TMEM255B: variants seen among roughly 807,000 people sequenced by gnomAD.
TMEM255B encodes the protein transmembrane protein 255B.
Under a neutral mutation model 34.5 loss-of-function variants are expected in TMEM255B, and 35 were observed. The ratio of observed to expected loss-of-function variants is 1.01; its 90% confidence interval spans 0.77 to 1.34. The LOEUF (loss-of-function observed/expected upper bound fraction) is 1.34, where lower values mean the gene tolerates loss of function less well. Among genes scored for constraint, TMEM255B ranks in the 40% most tolerant of loss-of-function variants. The pLI is 0.00. For synonymous variants in TMEM255B, 206 were observed against 201.2 expected (o/e 1.02, Z -0.20); for missense variants, 432 against 433.2 (o/e 1.00, Z 0.02).
rs1566342203 is a variant in TMEM255B, at chr13:113,812,968, G to GGGTGCGTCACAGGTCCCA, written c.*1069_*1070insCGTCACAGGTCCCAGGTG. On this transcript the variant is annotated 3_prime_UTR_variant, in exon 9 of 9. Coordinates refer to ENST00000375353, the MANE Select transcript of TMEM255B (RefSeq NM_182614.4). Reference sequence around the variant, plus strand: ...GGGTCCCGGGTGGGTCACGGGCCCCGGGTGGGTCACGGGTCCCGGGTGGGT... The same window carrying GGGTGCGTCACAGGTCCCA: ...GGGTCCCGGGTGGGTCACGGGCCCCGGGTGCGTCACAGGTCCCAGGTGGGTCACGGGTCCCGGGTGGGT... The GGGTGCGTCACAGGTCCCA allele has an allele frequency of 3.6e-5, 4 of 112,190 alleles. No homozygotes were observed. Among genetic ancestry groups the GGGTGCGTCACAGGTCCCA allele is most frequent in the South Asian group, 2.7e-4 (1 of 3,762 alleles). 6.9% of individuals were successfully genotyped at this position (112,190 alleles called of 1,614,324 possible).
rs1278261242 is a variant in TMEM255B, at chr13:113,806,410, G to A, written c.813+1382G>A. The stretch of plus-strand genomic sequence containing the variant: ...CTGTTGGGCTCAGTGGAGATGACCA[G>A]GGCCTGACAACATCTCCTCGTGGAG... On this transcript the variant is annotated intron_variant, in intron 8 of 8. Transcript: ENST00000375353. The surrounding 1 kb of genome is among the most constrained non-coding windows in gnomAD (Gnocchi z 4.2). 1.3e-5 allele frequency among the ~76,000 whole-genome samples: 2 copies of A among 152,132 alleles called. No individual in the cohort carries two copies. Among genetic ancestry groups the A allele is most frequent in the East Asian group, 3.9e-4 (2 of 5,190 alleles).
intron 4 of TMEM255B, among the ~76,000 whole-genome samples, chr13:113,797,059 C>T (rs1031678172): frequency 6.6e-6 from 1 of 152,234 alleles, no homozygotes; most frequent in African/African-American, 2.4e-5. Context: ...CCACTGTGCT[C>T]CAGGCGCCCG....
At chr13:113,771,733 C>A (rs2138528621) in intron 3 of TMEM255B, among the ~76,000 whole-genome samples, 1 of 152,194 alleles carries the variant, frequency 6.6e-6, no homozygotes, top group South Asian at 2.1e-4. Context: ...ATGGATGGGC[C>A]ACACTTATCC....
chr13:113,766,460 A>G (rs1189704106), intron 2 of TMEM255B: 6 of 773,354 alleles, frequency 7.8e-6, no homozygotes, highest in Non-Finnish European at 1.3e-5. Flanking sequence ...TCCAAGGCAG[A>G]GGGGAATTGG....
intron 3 of TMEM255B, among the ~76,000 whole-genome samples, chr13:113,792,294 G>T (rs1480218417): frequency 6.6e-6 from 1 of 152,256 alleles, no homozygotes; most frequent in Non-Finnish European, 1.5e-5. Context: ...GTTTCATCAG[G>T]AAAATAGGAA....
chr13:113,801,889 G>T, intron 7 of TMEM255B, 77 bp downstream of exon 7: 1 of 1,447,056 alleles, frequency 6.9e-7, no homozygotes, highest in Non-Finnish European at 9.2e-7. Flanking sequence ...GTGGGCTGGG[G>T]GGCCTCCAGC....
chr13:113,759,919 G>A (rs921792878), intron 1 of TMEM255B, among the ~76,000 whole-genome samples: 16 of 152,194 alleles, frequency 1.1e-4, no homozygotes, highest in Non-Finnish European at 2.4e-4. Flanking sequence ...GCCAGGCAAA[G>A]GCTGGGAAAA....
intron 3 of TMEM255B, among the ~76,000 whole-genome samples, chr13:113,774,909 A>G (rs1241777422): frequency 6.8e-6 from 1 of 147,168 alleles, no homozygotes; most frequent in Non-Finnish European, 1.5e-5. Context: ...TACAACACAC[A>G]CTCCACACAA....
chr13:113,788,751 G>A (rs1402085410), intron 3 of TMEM255B, among the ~76,000 whole-genome samples: 1 of 152,016 alleles, frequency 6.6e-6, no homozygotes, highest in Non-Finnish European at 1.5e-5. Flanking sequence ...CTCCACTCGC[G>A]CTTCTGGCCC....
rs2051388288 is a variant in TMEM255B at position 113,815,171 on chromosome 13, CCAAG to C, written c.*3271_*3274del. 6.6e-6 allele frequency: 1 copy of C among 152,134 alleles called. No homozygotes were observed. Among genetic ancestry groups the C allele is most frequent in the Non-Finnish European group, 1.5e-5 (1 of 68,092 alleles). The allele number at this position is 152,134 out of a possible 1,614,324, so 9.4% of individuals were successfully genotyped here. A position where few individuals can be genotyped will look rare whatever the true frequency, so the allele number is the denominator to read the frequency against. On this transcript the variant is annotated 3_prime_UTR_variant, in exon 9 of 9. Coordinates refer to ENST00000375353, the MANE Select transcript of TMEM255B (RefSeq NM_182614.4). ...ACAGCAGCACTGCTCACAAGAGCTCCCAAGCAGAGGCAACTACTGAGTGGGGGAG... is the reference window on the plus strand; with the variant it reads ...ACAGCAGCACTGCTCACAAGAGCTCCCAGAGGCAACTACTGAGTGGGGGAG...
intron 4 of TMEM255B, 40 bp from the exon 5 acceptor site, chr13:113,799,299 G>A (rs2050997932): frequency 6.2e-7 from 1 of 1,604,592 alleles, no homozygotes; most frequent in Non-Finnish European, 8.5e-7. Flanking sequence ...CCGCCTGGAG[G>A]CACCTGTTTT....
In TMEM255B at chr13:113,814,873, G is replaced by A. The variant is rs1594181206; in HGVS notation, c.*2970G>A. 6.7e-6 allele frequency: 1 copy of A among 150,364 alleles called. No homozygotes were observed. Among genetic ancestry groups the A allele is most frequent in the African/African-American group, 2.4e-5 (1 of 40,946 alleles). 9.3% of individuals were successfully genotyped at this position (150,364 alleles called of 1,614,324 possible). On this transcript the variant is annotated 3_prime_UTR_variant, in exon 9 of 9. Transcript: ENST00000375353. ...GATGGTGGGGCAGGGGGTGCTGGGG[G>A]GTTTGGGGGTGCTGTGGCCCCGGGG...
Position 113,815,887 on chromosome 13 carries a change from A to C in TMEM255B, c.*3984A>C. 1 of 154,206 alleles carries C rather than the reference A, an allele frequency of 6.5e-6. No individual in the cohort carries two copies. The highest frequency in any genetic ancestry group is 1.4e-5 in the Non-Finnish European group (1 of 69,248). 9.6% of individuals were successfully genotyped at this position (154,206 alleles called of 1,614,324 possible). On this transcript the variant is annotated 3_prime_UTR_variant, in exon 9 of 9. Transcript: ENST00000375353. ...CTCTAACGGGTGCTGAGGCTGTAAC[A>C]CACAGTGCTCAGGGAAGGACACCAG...
rs2051366778 is a variant in TMEM255B, at chr13:113,813,472, A to C, written c.*1569A>C. Reference sequence around the variant, plus strand: ...TCCCCTGCCCAGTCCTGGATCTGGGAGAAAAAAGATAAGGTGGAGGGGAGC... The same window carrying C: ...TCCCCTGCCCAGTCCTGGATCTGGGCGAAAAAAGATAAGGTGGAGGGGAGC... On this transcript the variant is annotated 3_prime_UTR_variant, in exon 9 of 9. Transcript: ENST00000375353. The C allele has an allele frequency of 6.6e-6, 1 of 152,286 alleles. No individual in the cohort carries two copies. Among genetic ancestry groups the C allele is most frequent in the African/African-American group, 2.4e-5 (1 of 41,456 alleles). 9.4% of individuals were successfully genotyped at this position (152,286 alleles called of 1,614,324 possible).
intron 3 of TMEM255B, among the ~76,000 whole-genome samples, chr13:113,777,197 C>G (rs2050593095): frequency 6.6e-6 from 1 of 152,114 alleles, no homozygotes. Context: ...TCACCGGAGC[C>G]TCGGCATCTG....
intron 1 of TMEM255B, chr13:113,761,237 G>A: frequency 3.0e-6 from 3 of 985,386 alleles, no homozygotes; most frequent in Non-Finnish European, 3.6e-6. Flanking sequence ...ACCCTTCCAA[G>A]CAGTGCCACC....
chr13:113,806,126 G>A lies in TMEM255B; in HGVS notation c.813+1098G>A, dbSNP rs375479243. Among the ~76,000 whole-genome samples, 9 of 152,298 alleles carry A rather than the reference G, an allele frequency of 5.9e-5. No individual in the cohort carries two copies. In the South Asian group the frequency reaches 1.2e-3, roughly 21 times the overall value. On this transcript the variant is annotated intron_variant, in intron 8 of 8. Transcript: ENST00000375353. This position sits in a 1 kb window ranked among gnomAD's most constrained non-coding sequence, Gnocchi z 4.2. ...AAAGATCTTCCTTAGAGGGACATCC[G>A]GGGGAGGCCTGTGCACACTCTGCCC...
At chr13:113,810,470 T>C (rs2051277484) in intron 8 of TMEM255B, among the ~76,000 whole-genome samples, 1 of 152,172 alleles carries the variant, frequency 6.6e-6, no homozygotes, top group Non-Finnish European at 1.5e-5. Context: ...CTATGTGTGT[T>C]AGTCAGGGCT....
intron 8 of TMEM255B, among the ~76,000 whole-genome samples, chr13:113,808,771 G>T (rs528619420): frequency 3.4e-4 from 39 of 114,954 alleles, no homozygotes; most frequent in African/African-American, 1.4e-3. Flanking sequence ...GTGGTTTCTG[G>T]CGGTGTAACT....
Sources: gnomAD v4.1 joint callset for allele counts (sites outside exome capture counted in the v4.1 genomes callset) on GRCh38, gnomAD v4.1.1 for gene constraint, Gnocchi (gnomAD v3.1) non-coding constraint, MANE v1.5 for transcripts, NCBI Gene and HGNC (gene_info 2026-07-23, HGNC 2026-07-21) for gene names.